Variants in FAM13A observed in about 807,000 individuals in gnomAD.
FAM13A encodes the protein protein FAM13A.
Under a neutral mutation model 129.6 loss-of-function variants are expected in FAM13A, and 76 were observed. That is an observed-to-expected ratio of 0.59 (90% CI 0.49 to 0.71). The LOEUF is 0.71. FAM13A is among the 30% of genes least tolerant of loss of function. The pLI, the probability that FAM13A is intolerant of heterozygous loss-of-function variation, is 0.00. For missense variants in FAM13A, 1,108 were observed against 1,249.3 expected (o/e 0.89, Z 1.70); for synonymous variants, 443 against 449.9 (o/e 0.98, Z 0.20).
intron 6 of FAM13A, among the ~76,000 whole-genome samples, chr4:88,876,009 G>A (rs1162734392): frequency 1.3e-5 from 2 of 152,156 alleles, no homozygotes; most frequent in Non-Finnish European, 2.9e-5. Flanking sequence ...GATGAAGCTG[G>A]AAACCATCAT....
intron 3 of FAM13A, chr4:89,009,031 T>C (rs1275089614): frequency 6.6e-6 from 1 of 152,156 alleles, no homozygotes. Flanking sequence ...CCATTAGGTT[T>C]ATTAAAGGAT....
intron 20 of FAM13A, among the ~76,000 whole-genome samples, chr4:88,738,628 C>T (rs903635643): frequency 5.3e-5 from 8 of 152,142 alleles, no homozygotes; most frequent in Non-Finnish European, 1.0e-4. Flanking sequence ...AGGGAGTTAT[C>T]CCTCTCTTGG....
At chr4:88,803,298 A>G (rs1188719262) in intron 8 of FAM13A, among the ~76,000 whole-genome samples, 1 of 152,198 alleles carries the variant, frequency 6.6e-6, no homozygotes, top group Admixed American at 6.5e-5. Context: ...GTGGGCCAGT[A>G]TGCATATTCA....
intron 7 of FAM13A, among the ~76,000 whole-genome samples, chr4:88,818,248 C>CG (rs1561075782): frequency 1.3e-5 from 2 of 152,196 alleles, no homozygotes; most frequent in African/African-American, 4.8e-5. Flanking sequence ...TGATCCCCCC[C>CG]GGACTTGGCC....
intron 6 of FAM13A, among the ~76,000 whole-genome samples, chr4:88,899,374 G>T (rs1324676907): frequency 6.6e-6 from 1 of 151,886 alleles, no homozygotes; most frequent in Non-Finnish European, 1.5e-5. Context: ...GCTACAAATT[G>T]GGTGCAGTGT....
intron 1 of FAM13A, among the ~76,000 whole-genome samples, chr4:89,040,842 G>A (rs145846000): frequency 0.03 from 4,505 of 152,288 alleles, 88 homozygotes; most frequent in Non-Finnish European, 0.042. Context: ...GACTGGGAGA[G>A]GCAGACCCAC....
chr4:88,899,107 C>CACAT (rs984860404), intron 6 of FAM13A, among the ~76,000 whole-genome samples: 1 of 145,090 alleles, frequency 6.9e-6, no homozygotes, highest in Admixed American at 6.8e-5. Flanking sequence ...TATACACACA[C>CACAT]ACATACATAT....
chr4:88,945,704 T>C (rs1416341217), intron 4 of FAM13A, among the ~76,000 whole-genome samples: 1 of 143,928 alleles, frequency 6.9e-6, no homozygotes, highest in Non-Finnish European at 1.5e-5. Flanking sequence ...GAAGTTCTTC[T>C]TCAAACATTA....
intron 21 of FAM13A, among the ~76,000 whole-genome samples, chr4:88,734,599 G>A (rs1738590680): frequency 6.6e-6 from 1 of 152,244 alleles, no homozygotes; most frequent in African/African-American, 2.4e-5. Flanking sequence ...AGGGCCATGA[G>A]CAGTGGTTCT....
intron 6 of FAM13A, among the ~76,000 whole-genome samples, chr4:88,860,652 CA>C (rs1739331610): frequency 6.6e-6 from 1 of 152,216 alleles, no homozygotes; most frequent in Non-Finnish European, 1.5e-5. Context: ...CTGTGAGCAT[CA>C]CTGCCAGAAA....
At chr4:88,976,399 G>C (rs1228802753) in intron 4 of FAM13A, among the ~76,000 whole-genome samples, 1 of 152,170 alleles carries the variant, frequency 6.6e-6, no homozygotes. Context: ...TCACTAGAGA[G>C]ATGCAGTAGT....
rs1744463732 is a variant in FAM13A, at chr4:88,886,614, T to TA, written c.843+19764dup. ...AAAAAGAAAAAAAAAAGAAAGAAAT[T>TA]ATGGTATATAGGCCTGGTGCAGTGG... On this transcript the variant is annotated intron_variant, in intron 6 of 23. Transcript: ENST00000264344. Among the ~76,000 whole-genome samples, 3 of 145,242 alleles carry TA rather than the reference T, an allele frequency of 2.1e-5. No individual in the cohort carries two copies. In the South Asian group the frequency reaches 6.5e-4, roughly 32 times the overall value.
In FAM13A at chr4:88,748,916, G is replaced by A. The variant is rs371897200; in HGVS notation, c.2161+36C>T. The A allele has an allele frequency of 2.9e-5, 42 of 1,452,376 alleles. 1 individual carries two copies. Among genetic ancestry groups the A allele is most frequent in the Non-Finnish European group, 7.7e-6 (8 of 1,033,480 alleles). The allele number at this position is 1,452,376 out of a possible 1,614,324, so 90.0% of individuals were successfully genotyped here. A position where few individuals can be genotyped will look rare whatever the true frequency, so the allele number is the denominator to read the frequency against. The stretch of plus-strand genomic sequence containing the variant: ...AGGTGAGAGATTCTGCACCTGGCTT[G>A]TTGTACAGAAGCCACAGCTCCAGAA... On this transcript the variant is annotated intron_variant, in intron 17 of 23. Transcript: ENST00000264344.
rs1200941760 is a variant in FAM13A at position 88,727,021 on chromosome 4, CT to C, written c.*1511del. 1 of 152,308 alleles carries C rather than the reference CT, an allele frequency of 6.6e-6. No homozygotes were observed. The highest frequency in any genetic ancestry group is 1.9e-4 in the East Asian group (1 of 5,200). The allele number at this position is 152,308 out of a possible 1,614,324, so 9.4% of individuals were successfully genotyped here. ...TTGGACCAGCCAGTTTCTCACGACC[CT>C]TTAAAACTGAAAACGGGTCAGTATA... On this transcript the variant is annotated 3_prime_UTR_variant, in exon 24 of 24. Coordinates refer to ENST00000264344, the MANE Select transcript of FAM13A (RefSeq NM_014883.4).
chr4:88,939,696 C>T (rs2464523), intron 4 of FAM13A, among the ~76,000 whole-genome samples: 113,057 of 151,658 alleles, frequency 0.75, 42,380 homozygotes, highest in Non-Finnish European at 0.79. Flanking sequence ...ATGATTGTGT[C>T]ACAATGGATG....
chr4:88,950,840 A>G (rs929352773), intron 4 of FAM13A, among the ~76,000 whole-genome samples: 6 of 152,192 alleles, frequency 3.9e-5, no homozygotes, highest in Non-Finnish European at 7.3e-5. Flanking sequence ...CAATAACTCA[A>G]TGGTGGCCAA....
intron 21 of FAM13A, among the ~76,000 whole-genome samples, chr4:88,733,621 A>G (rs1738351919): frequency 6.6e-6 from 1 of 152,152 alleles, no homozygotes; most frequent in Non-Finnish European, 1.5e-5. Context: ...TCCCCTGGAT[A>G]AGGAAAACAG....
At chr4:88,750,712 C>G (rs1254541063) in intron 14 of FAM13A, 75 bp from the exon 15 acceptor site, 14 of 1,070,240 alleles carry the variant, frequency 1.3e-5, no homozygotes, top group Non-Finnish European at 1.9e-5. Context: ...ACAAGTGTTT[C>G]CCAGGCTTCC....
intron 6 of FAM13A, among the ~76,000 whole-genome samples, chr4:88,890,930 G>T (rs1335255921): frequency 6.6e-6 from 1 of 151,986 alleles, no homozygotes; most frequent in African/African-American, 2.4e-5. Flanking sequence ...AACAAATTCA[G>T]AACAGAAACG....
Sources: gnomAD v4.1 joint callset for allele counts (sites outside exome capture counted in the v4.1 genomes callset) on GRCh38, gnomAD v4.1.1 for gene constraint, MANE v1.5 for transcripts, NCBI Gene and HGNC (gene_info 2026-07-23, HGNC 2026-07-21) for gene names.